Variants in ZNF512 observed in about 807,000 individuals in gnomAD.
ZNF512 encodes the protein zinc finger protein 512.
In ZNF512, 25 loss-of-function variants were observed where a neutral mutation model predicts 77.5. That is an observed-to-expected ratio of 0.32 (90% CI 0.23 to 0.45). The LOEUF (loss-of-function observed/expected upper bound fraction) is 0.45, where lower values mean the gene tolerates loss of function less well. Among genes scored for constraint, ZNF512 ranks in the 20% least tolerant of loss-of-function variants. The probability of loss-of-function intolerance (pLI) is 1.00; values close to 1 mark genes in which losing one functional copy is unlikely to be tolerated. For synonymous variants in ZNF512, 246 were observed against 239.9 expected, an observed-to-expected ratio of 1.03 and a Z score of -0.24; for missense variants, 483 against 692.6, an observed-to-expected ratio of 0.70 and a Z score of 3.40.
In ZNF512 at chr2:27,598,485, G is replaced by A. The variant is rs559649975; in HGVS notation, c.277+231G>A. Among the ~76,000 whole-genome samples, 9 of 152,036 alleles carry A rather than the reference G, an allele frequency of 5.9e-5. No homozygotes were observed. In the East Asian group the frequency reaches 1.7e-3, roughly 30 times the overall value. On this transcript the variant is annotated intron_variant, in intron 3 of 13. Transcript: ENST00000355467. ...TCTACTAAAAATACAAAAAATTAGCGGGGCCTGGTGGTGGGCGCCTGTAGT... is the reference window on the plus strand; with the variant it reads ...TCTACTAAAAATACAAAAAATTAGCAGGGCCTGGTGGTGGGCGCCTGTAGT...
At chr2:27,607,383 T>C (rs78060028) in intron 9 of ZNF512, among the ~76,000 whole-genome samples, 1 of 152,086 alleles carries the variant, frequency 6.6e-6, no homozygotes, top group Non-Finnish European at 1.5e-5. Flanking sequence ...TTTTTTTTTT[T>C]TGAGACAGAG....
At chr2:27,610,544 G>GTATATATATATATA (rs1247718248) in intron 10 of ZNF512, among the ~76,000 whole-genome samples, 16 of 32,662 alleles carry the variant, frequency 4.9e-4, no homozygotes, top group African/African-American at 5.8e-4. Context: ...ATATGTGTGT[G>GTATATATATATATA]TATATATATA....
chr2:27,594,811 A>T (rs1671779132), intron 2 of ZNF512, among the ~76,000 whole-genome samples: 1 of 152,142 alleles, frequency 6.6e-6, no homozygotes, highest in Non-Finnish European at 1.5e-5. Context: ...GCGAGCCGAG[A>T]TCACGCCACT....
chr2:27,583,580 G>T (rs976883642), intron 1 of ZNF512, 78 bp from the exon 2 acceptor site: 3 of 1,578,236 alleles, frequency 1.9e-6, no homozygotes, highest in Non-Finnish European at 1.7e-6. Context: ...CATTTCTTCT[G>T]GGCATAGGGG....
At chr2:27,598,306 G>T (rs1219675650) in intron 3 of ZNF512, 52 bp downstream of exon 3, 1 of 1,548,832 alleles carries the variant, frequency 6.5e-7, no homozygotes, top group Non-Finnish European at 8.8e-7. Flanking sequence ...TAAAGTTATA[G>T]TTTGAGATTG....
At chr2:27,602,755 A>G (rs1184715608) in intron 8 of ZNF512, among the ~76,000 whole-genome samples, 194 bp downstream of exon 8, 1 of 150,926 alleles carries the variant, frequency 6.6e-6, no homozygotes, top group African/African-American at 2.4e-5. Context: ...CCTTTGTTTG[A>G]TGGGGTTTCC....
intron 5 of ZNF512, 98 bp downstream of exon 5, chr2:27,600,151 T>A: frequency 7.4e-7 from 1 of 1,349,860 alleles, no homozygotes. Context: ...AGCATTTCTT[T>A]AAGGAGGCAG....
chr2:27,592,317 T>A (rs1310138492), intron 2 of ZNF512, among the ~76,000 whole-genome samples: 34 of 151,442 alleles, frequency 2.2e-4, no homozygotes, highest in African/African-American at 5.6e-4. Context: ...TTATTTATTT[T>A]TATTTTTTTT....
At chr2:27,587,698 T>G (rs1437227118) in intron 2 of ZNF512, among the ~76,000 whole-genome samples, 17 of 152,056 alleles carry the variant, frequency 1.1e-4, no homozygotes, top group Non-Finnish European at 1.2e-4. Context: ...TTATTTTTTT[T>G]GAGACAGAGT....
intron 11 of ZNF512, among the ~76,000 whole-genome samples, chr2:27,615,624 C>T (rs775999660): frequency 5.9e-5 from 9 of 152,190 alleles, no homozygotes; most frequent in Non-Finnish European, 1.2e-4. Context: ...ACTGACTTCT[C>T]AGGGAATATT....
chr2:27,601,208 A>C, intron 6 of ZNF512, 148 bp from the exon 7 acceptor site: 1 of 609,432 alleles, frequency 1.6e-6, no homozygotes, highest in Non-Finnish European at 2.8e-6. Context: ...CCTTGAAGAC[A>C]TGACACTGAG....
In ZNF512 at chr2:27,602,466, A is replaced by G. The variant is rs769440928; in HGVS notation, c.673A>G (p.Ile225Val). 5 of 1,612,976 alleles carry G rather than the reference A, an allele frequency of 3.1e-6. No individual in the cohort carries two copies. Among genetic ancestry groups the G allele is most frequent in the Non-Finnish European group, 4.2e-6 (5 of 1,179,710 alleles). The change falls in exon 8 of 14, where the codon ATT becomes GTT. Residue 225 changes from isoleucine to valine, a missense_variant. By Grantham distance (29) the Ile-to-Val change is conservative. Around this residue, in one of 2 missense-constraint regions of ZNF512, gnomAD observed 324 missense variants for 525.0 expected, o/e 0.62. Transcript: ENST00000355467. ...GTTTACTTCTCTTGATTTCTAGCCCATTTTGAAAGCCGGAGATGAAATAGA... is the reference window on the plus strand; with the variant it reads ...GTTTACTTCTCTTGATTTCTAGCCCGTTTTGAAAGCCGGAGATGAAATAGA... The part of the protein sequence containing the change: ...HVMANHNSLP[I>V]LKAGDEIDEP...
intron 5 of ZNF512, 132 bp from the exon 6 acceptor site, chr2:27,600,559 A>C: frequency 9.9e-7 from 1 of 1,010,690 alleles, no homozygotes; most frequent in Non-Finnish European, 1.4e-6. Flanking sequence ...ATACCCAGCA[A>C]GAGCCTCTTC....
At chr2:27,610,544 G>GTGTA (rs1413007886) in intron 10 of ZNF512, among the ~76,000 whole-genome samples, 512 of 32,654 alleles carry the variant, frequency 0.016, 47 homozygotes, top group African/African-American at 0.068. Flanking sequence ...ATATGTGTGT[G>GTGTA]TATATATATA....
Position 27,600,722 on chromosome 2 carries a change from C to A in ZNF512, c.489C>A (p.Ile163=). 1 of 1,613,850 alleles carries A rather than the reference C, an allele frequency of 6.2e-7. No homozygotes were observed. Among genetic ancestry groups the A allele is most frequent in the Non-Finnish European group, 8.5e-7 (1 of 1,179,868 alleles). ...TGGAGGAGCAATGGTACTTAGAAAT[C>A]GTTGATAAAGGCAGTGTCTCCTGCC... ...GSLEEQWYLE[I]VDKGSVSCPT... Residue 163 remains isoleucine, a synonymous_variant, in exon 6 of 14, where the codon ATC becomes ATA. Coordinates refer to ENST00000355467, the MANE Select transcript of ZNF512 (RefSeq NM_032434.4).
chr2:27,599,638 A>G lies in ZNF512; in HGVS notation c.333A>G (p.Glu111=). Residue 111 remains glutamate (E), a synonymous_variant, in exon 4 of 14, where the codon GAA becomes GAG. Transcript: ENST00000355467. ...GKRKPRQEED[E]DYREFPQKKH... is the part of the protein sequence containing the mutation. ...GGAAACCCAGGCAGGAAGAAGATGA[A>G]GACTATCGAGAATTTCCTCAGAAGA... The G allele has an allele frequency of 6.2e-7, 1 of 1,614,224 alleles. No homozygotes were observed. The highest frequency in any genetic ancestry group is 8.5e-7 in the Non-Finnish European group (1 of 1,180,028).
intron 10 of ZNF512, among the ~76,000 whole-genome samples, chr2:27,611,137 T>A (rs1672642273): frequency 1.3e-5 from 2 of 152,204 alleles, no homozygotes; most frequent in African/African-American, 2.4e-5. Context: ...CTTTTAATTT[T>A]GAAATAATTT....
At chr2:27,618,042 C>T (rs1672964098) in intron 13 of ZNF512, among the ~76,000 whole-genome samples, 1 of 151,744 alleles carries the variant, frequency 6.6e-6, no homozygotes, top group Admixed American at 6.6e-5. Flanking sequence ...AGCAATACTC[C>T]CTGAGTAGCT....
At position 27,621,500 on chromosome 2, in the gene ZNF512, A is replaced by G. The variant is rs1460865552; in HGVS notation, c.*39A>G. On this transcript the variant is annotated 3_prime_UTR_variant, in exon 14 of 14. Coordinates refer to ENST00000355467, the MANE Select transcript of ZNF512 (RefSeq NM_032434.4). ...AAGTGCTCCTAGGAAAGCAGATGTGATGCTGTTGTCACGGGGACCTGTGCT... is the reference window on the plus strand; with the variant it reads ...AAGTGCTCCTAGGAAAGCAGATGTGGTGCTGTTGTCACGGGGACCTGTGCT... 1.3e-6 allele frequency: 2 copies of G among 1,561,224 alleles called. No homozygotes were observed. The highest frequency in any genetic ancestry group is 8.6e-7 in the Non-Finnish European group (1 of 1,159,260).
Sources: allele counts gnomAD v4.1 joint callset (sites outside exome capture counted in the v4.1 genomes callset), GRCh38; gene constraint gnomAD v4.1.1; regional missense constraint gnomAD v4.1.1; transcripts MANE v1.5; gene names NCBI Gene and HGNC (gene_info 2026-07-23, HGNC 2026-07-21).